The following PCDHGB1 variants were observed in gnomAD, a reference collection of about 807,000 sequenced individuals.
PCDHGB1 encodes protocadherin gamma-B1.
In PCDHGB1, 34 loss-of-function variants were observed where a neutral mutation model predicts 56.6. That is an observed-to-expected ratio of 0.60 (90% confidence interval 0.46 to 0.80). The LOEUF (loss-of-function observed/expected upper bound fraction) is 0.80, where lower values mean the gene tolerates loss of function less well. Ranked by LOEUF, PCDHGB1 falls within the 30% of genes least tolerant of loss-of-function variation. The pLI, the probability that PCDHGB1 is intolerant of heterozygous loss-of-function variation, is 0.00. For missense variants in PCDHGB1, 1,278 were observed against 1,204.6 expected (o/e 1.06, Z -0.90); for synonymous variants, 561 against 505.9 (o/e 1.11, Z -1.46).
At chr5:141,421,564 G>C in intron 1 of PCDHGB1, 1 of 1,613,982 alleles carries the variant, frequency 6.2e-7, no homozygotes, top group Non-Finnish European at 8.5e-7. Context: ...TCTCGTGGAA[G>C]ACACCTTGAA....
At chr5:141,450,729 C>T (rs370122389) in intron 1 of PCDHGB1, among the ~76,000 whole-genome samples, 3 of 152,048 alleles carry the variant, frequency 2.0e-5, no homozygotes, top group Non-Finnish European at 2.9e-5. Context: ...TCAGGTGATC[C>T]GCCCGCCTTG....
chr5:141,422,699 C>G (rs765368737), intron 1 of PCDHGB1: 2 of 1,603,420 alleles, frequency 1.2e-6, no homozygotes, highest in South Asian at 1.1e-5. Context: ...GTCACTTACT[C>G]TCTGACGGAT....
chr5:141,418,586 A>C lies in PCDHGB1; in HGVS notation c.2409+65917A>C, dbSNP rs1422171892. ...TGCCAATGACAACCCCCCAGTGTTC[A>C]GCCAGGACGTGTACAGGGTTAGCCT... On this transcript the variant is annotated intron_variant, in intron 1 of 3. Transcript: ENST00000523390. The C allele has an allele frequency of 1.9e-6, 3 of 1,613,930 alleles. No individual in the cohort carries two copies. In the Admixed American group the frequency reaches 5.0e-5, roughly 27 times the overall value.
At chr5:141,380,632 T>C (rs546554559) in intron 1 of PCDHGB1, among the ~76,000 whole-genome samples, 5 of 152,324 alleles carry the variant, frequency 3.3e-5, no homozygotes, top group Non-Finnish European at 7.3e-5. Flanking sequence ...ACTTAGAAAA[T>C]GTGAATGCTA....
intron 1 of PCDHGB1, chr5:141,415,868 G>A: frequency 9.2e-7 from 1 of 1,090,360 alleles, no homozygotes; most frequent in Non-Finnish European, 1.2e-6. Flanking sequence ...TTATAGTGTT[G>A]TTGAGTACAA....
intron 1 of PCDHGB1, chr5:141,357,547 G>A: frequency 1.2e-6 from 2 of 1,614,214 alleles, no homozygotes; most frequent in African/African-American, 1.3e-5. Context: ...CATCAGCCGG[G>A]AGAGTTGTGA....
intron 1 of PCDHGB1, chr5:141,379,532 T>C (rs547960333): frequency 7.9e-5 from 12 of 152,376 alleles, no homozygotes; most frequent in African/African-American, 2.9e-4. Context: ...TTTGTTGTTA[T>C]AGGGAAAGCT....
At chr5:141,355,601 G>A (rs2149786731) in intron 1 of PCDHGB1, 2 of 1,613,936 alleles carry the variant, frequency 1.2e-6, no homozygotes, top group Non-Finnish European at 8.5e-7. Flanking sequence ...CCCAGTTTTG[G>A]GACAGAACAG....
rs2099170089 is a variant in PCDHGB1, at chr5:141,468,602, C to T, written c.2410-26205C>T. On this transcript the variant is annotated intron_variant, in intron 1 of 3. Coordinates refer to ENST00000523390, the MANE Select transcript of PCDHGB1 (RefSeq NM_018922.3). ...GTACTAAAGGCTGGGCGCGGTGGCT[C>T]ACGCCTGTAATCCCAGCACTTTGGG... The T allele has an allele frequency of 2.6e-5, 4 of 152,284 alleles. No individual in the cohort carries two copies. The South Asian group carries it at 8.3e-4, about 32-fold the overall frequency. 9.4% of individuals were successfully genotyped at this position (152,284 alleles called of 1,614,324 possible).
At chr5:141,360,252 G>A (rs1194495261) in intron 1 of PCDHGB1, 2 of 1,613,822 alleles carry the variant, frequency 1.2e-6, no homozygotes, top group Non-Finnish European at 1.7e-6. Flanking sequence ...CAATTCCAGA[G>A]GAGCTGGCCA....
intron 1 of PCDHGB1, among the ~76,000 whole-genome samples, chr5:141,358,148 A>G (rs1760835036): frequency 6.6e-6 from 1 of 152,192 alleles, no homozygotes; most frequent in African/African-American, 2.4e-5. Flanking sequence ...TGAGATCATG[A>G]CACTGTACTC....
At position 141,476,251 on chromosome 5, in the gene PCDHGB1, C is replaced by T; in HGVS notation, c.2410-18556C>T. On this transcript the variant is annotated intron_variant, in intron 1 of 3. Coordinates refer to ENST00000523390, the MANE Select transcript of PCDHGB1 (RefSeq NM_018922.3). This position sits in a 1 kb window ranked among gnomAD's most constrained non-coding sequence, Gnocchi z 7.6. The stretch of plus-strand genomic sequence containing the variant: ...TCCCGGAGGAAAGAGAGAAGGGTTT[C>T]GCTGTGGGCAACGTGGTCGCGAACC... 1 of 1,613,866 alleles carries T rather than the reference C, an allele frequency of 6.2e-7. No homozygotes were observed. The highest frequency in any genetic ancestry group is 8.5e-7 in the Non-Finnish European group (1 of 1,179,978).
chr5:141,374,282 G>C, intron 1 of PCDHGB1: 1 of 1,613,972 alleles, frequency 6.2e-7, no homozygotes, highest in Non-Finnish European at 8.5e-7. Context: ...AGTCCGCATC[G>C]TCTCCAGAGG....
intron 1 of PCDHGB1, chr5:141,413,182 G>A (rs752788034): frequency 6.2e-7 from 1 of 1,604,164 alleles, no homozygotes; most frequent in Non-Finnish European, 8.5e-7. Context: ...TACAATGGCC[G>A]CTCAAAGGAA....
intron 1 of PCDHGB1, chr5:141,416,537 G>T (rs2096038948): frequency 6.6e-6 from 1 of 152,082 alleles, no homozygotes; most frequent in Admixed American, 6.6e-5. Context: ...AATGTATAAG[G>T]AGGCAAACAC....
rs147783721 is a variant in PCDHGB1 at position 141,404,989 on chromosome 5, G to A, written c.2409+52320G>A. 5 of 1,614,046 alleles carry A rather than the reference G, an allele frequency of 3.1e-6. No homozygotes were observed. The South Asian group carries it at 4.4e-5, about 14-fold the overall frequency. On this transcript the variant is annotated intron_variant, in intron 1 of 3. Coordinates refer to ENST00000523390, the MANE Select transcript of PCDHGB1 (RefSeq NM_018922.3). The stretch of plus-strand genomic sequence containing the variant: ...TCCTGGCTGACCTGGGCAGTCTTCA[G>A]ATCCCTGCAGACCTGGAGGCCTCAG...
intron 1 of PCDHGB1, chr5:141,430,854 G>A (rs140440273): frequency 5.0e-6 from 8 of 1,587,648 alleles, no homozygotes; most frequent in Middle Eastern, 1.7e-4. Flanking sequence ...ACCCAGATAC[G>A]CTATTCAGTT....
At chr5:141,365,163 CCTA>C in intron 1 of PCDHGB1, 2 of 1,613,918 alleles carry the variant, frequency 1.2e-6, no homozygotes, top group Non-Finnish European at 1.7e-6. Flanking sequence ...GGGAAATTGA[CCTA>C]CTCTTTTCGC....
chr5:141,497,239 G>A (rs2099775226), intron 2 of PCDHGB1, among the ~76,000 whole-genome samples: 1 of 152,104 alleles, frequency 6.6e-6, no homozygotes, highest in Admixed American at 6.5e-5. Flanking sequence ...AAGGCTTCTA[G>A]GAGGAGGTGA....
Sources: allele counts gnomAD v4.1 joint callset (sites outside exome capture counted in the v4.1 genomes callset), GRCh38; gene constraint gnomAD v4.1.1; non-coding constraint Gnocchi (gnomAD v3.1); transcripts MANE v1.5; gene names NCBI Gene and HGNC (gene_info 2026-07-23, HGNC 2026-07-21).